The following BRCA1 variants were observed in gnomAD, a reference collection of about 807,000 sequenced individuals.
The protein encoded by BRCA1 is breast cancer type 1 susceptibility protein.
In BRCA1, 140 loss-of-function variants were observed where a neutral mutation model predicts 173.7. The ratio of observed to expected loss-of-function variants is 0.81; its 90% CI spans 0.70 to 0.93. The LOEUF (loss-of-function observed/expected upper bound fraction) is 0.93. Ranked by LOEUF, BRCA1 falls within the 40% of genes least tolerant of loss-of-function variation. The pLI is 0.00. For synonymous variants in BRCA1, 662 were observed against 756.0 expected (o/e 0.88, Z 2.04); for missense variants, 1,983 against 2,172.5 (o/e 0.91, Z 1.73).
At chr17:43,115,894 T>A in intron 2 of BRCA1, 115 bp from the exon 3 acceptor site, 1 of 1,054,216 alleles carries the variant, frequency 9.5e-7, no homozygotes, top group African/African-American at 1.6e-5. Flanking sequence ...TGAGTCAACA[T>A]AAGGCCTCAA....
chr17:43,159,583 C>T lies in BRCA1; in HGVS notation c.-20+10543G>A, dbSNP rs2056222129. 84 of 222,342 alleles carry T rather than the reference C, an allele frequency of 3.8e-4. 2 individuals carry two copies. In the South Asian group the frequency reaches 4.0e-3, roughly 11 times the overall value. 13.8% of individuals were successfully genotyped at this position (222,342 alleles called of 1,614,324 possible). ...GGCGGCCGGGCAGAGATGCTCCTCA[C>T]CTCCCAGACGGGGTCGCGGCCGGGC... On this transcript the variant is annotated intron_variant, in intron 1 of 7. Transcript: ENST00000634433.
chr17:43,079,806 ACCTTTGGACTGT>A, intron 12 of BRCA1: 3 of 763,194 alleles, frequency 3.9e-6, no homozygotes, highest in Non-Finnish European at 6.7e-6. Context: ...AAAAAAAAAG[ACCTTTGGACTGT>A]AAAAAAAAAG....
In BRCA1 at chr17:43,100,609, CAT is replaced by C. The variant is rs200083681; in HGVS notation, c.442-731_442-730del. Among the ~76,000 whole-genome samples the C allele has an allele frequency of 2.7e-4, 18 of 65,772 alleles. 3 individuals are homozygous for C. The highest frequency in any genetic ancestry group is 3.8e-4 in the Non-Finnish European group (14 of 37,324). 43.1% of individuals were successfully genotyped at this position (65,772 alleles called of 152,430 possible). ...ACATATATATATTATATATATATAA[CAT>C]ATATATAACATATATATATGTTATA... On this transcript the variant is annotated intron_variant, in intron 6 of 22. Coordinates refer to ENST00000357654, the MANE Select transcript of BRCA1 (RefSeq NM_007294.4).
chr17:43,108,507 A>T (rs1413554805), intron 3 of BRCA1, among the ~76,000 whole-genome samples: 2 of 151,618 alleles, frequency 1.3e-5, no homozygotes, highest in Non-Finnish European at 2.9e-5. Context: ...GTTTGAGACC[A>T]GCCTGGCTAA....
At position 43,158,014 on chromosome 17, in the gene BRCA1, T is replaced by A. The variant is rs866259547; in HGVS notation, c.-20+12112A>T. On this transcript the variant is annotated intron_variant, in intron 1 of 7. Transcript: ENST00000634433. Reference sequence around the variant, plus strand: ...CTGTCTCAAAAAAAAAAAAAAAAAATATTAATCTAACAGAAAATAGGAAAA... The same window carrying A: ...CTGTCTCAAAAAAAAAAAAAAAAAAAATTAATCTAACAGAAAATAGGAAAA... Among the ~76,000 whole-genome samples the A allele has an allele frequency of 1.3e-3, 198 of 147,282 alleles. No homozygotes were observed. In the Middle Eastern group the frequency reaches 0.014, roughly 11 times the overall value.
chr17:43,140,793 G>T (rs2056069924), intron 1 of BRCA1, among the ~76,000 whole-genome samples: 2 of 152,130 alleles, frequency 1.3e-5, no homozygotes, highest in Admixed American at 1.3e-4. Context: ...CCAGCGCCAG[G>T]CACAACGTCT....
chr17:43,071,829 C>T (rs1380328790), intron 14 of BRCA1, among the ~76,000 whole-genome samples: 1 of 151,238 alleles, frequency 6.6e-6, no homozygotes, highest in Non-Finnish European at 1.5e-5. Flanking sequence ...CAGTGAAACC[C>T]TGTCTCTACT....
At chr17:43,057,600 C>G (rs2051558605) in intron 18 of BRCA1, among the ~76,000 whole-genome samples, 1 of 151,884 alleles carries the variant, frequency 6.6e-6, no homozygotes, top group African/African-American at 2.4e-5. Flanking sequence ...CTTTGGGAGG[C>G]CGAGACAGGC....
intron 19 of BRCA1, among the ~76,000 whole-genome samples, chr17:43,051,979 C>T (rs1262655580): frequency 6.6e-6 from 1 of 152,152 alleles, no homozygotes; most frequent in African/African-American, 2.4e-5. Context: ...TTCCTTCCTT[C>T]TCACTACTCT....
Position 43,093,193 on chromosome 17 carries a change from G to C in BRCA1, c.2338C>G (p.Gln780Glu), listed in dbSNP as rs80356945. 1.2e-5 allele frequency: 19 copies of C among 1,613,642 alleles called. No homozygotes were observed. The highest frequency in any genetic ancestry group is 1.4e-5 in the Non-Finnish European group (17 of 1,179,964). ...SLVPGTDYGTQESISLLEVST... is the reference protein window; with the variant it reads ...SLVPGTDYGTEESISLLEVST... The stretch of plus-strand genomic sequence containing the variant: ...ACTTCCAGTAACGAGATACTTTCCT[G>C]AGTGCCATAATCAGTACCAGGTACC... The change falls in exon 10 of 23, where the codon CAG becomes GAG. Residue 780 changes from glutamine to glutamate, a missense_variant. Gln to Glu is a conservative substitution (Grantham distance 29). Coordinates refer to ENST00000357654, the MANE Select transcript of BRCA1 (RefSeq NM_007294.4).
chr17:43,116,650 T>G (rs925382187), intron 2 of BRCA1, among the ~76,000 whole-genome samples: 6 of 152,146 alleles, frequency 3.9e-5, no homozygotes, highest in East Asian at 3.8e-4. Context: ...TCCCAGGTAG[T>G]TGGAACTACA....
chr17:43,164,523 T>G (rs1366969884), intron 1 of BRCA1: 5 of 152,232 alleles, frequency 3.3e-5, no homozygotes, highest in African/African-American at 1.2e-4. Context: ...AATAACTAGA[T>G]GGTCAGCAAT....
rs183112614 is a variant in BRCA1, at chr17:43,048,494, C to T, written c.5406+627G>A. On this transcript the variant is annotated intron_variant, in intron 21 of 22. Transcript: ENST00000357654. ...TGCTGGGATTACAGGCGTGAGCCAC[C>T]GCACCTAGCTTTTCTCTCTCTCTCT... is the stretch of plus-strand genomic sequence containing the variant. 7.3e-4 allele frequency among the ~76,000 whole-genome samples: 111 copies of T among 151,370 alleles called. No homozygotes were observed. The Middle Eastern group carries it at 0.014, about 19-fold the overall frequency.
At chr17:43,105,419 T>C (rs548088133) in intron 4 of BRCA1, among the ~76,000 whole-genome samples, 2 of 152,218 alleles carry the variant, frequency 1.3e-5, no homozygotes, top group African/African-American at 4.8e-5. Flanking sequence ...ATTTATTTTG[T>C]TGGTAGTGAT....
rs80357968 is a variant in BRCA1 at position 43,092,969 on chromosome 17, A to AGC, written c.2560_2561dup (p.Gln855LeufsTer39). On this transcript the variant is annotated frameshift_variant, in exon 10 of 23. Transcript: ENST00000357654. LOFTEE classifies it high-confidence loss of function. ...CCTTGAATGTATTCTGCAAATACTG[A>AGC]GCATCAAGTTCACTTTCTTCCATTT... 3 of 1,613,442 alleles carry AGC rather than the reference A, an allele frequency of 1.9e-6. No individual in the cohort carries two copies. The highest frequency in any genetic ancestry group is 2.5e-6 in the Non-Finnish European group (3 of 1,179,556).
intron 7 of BRCA1, among the ~76,000 whole-genome samples, chr17:43,098,160 G>C (rs2054217403): frequency 6.6e-6 from 1 of 151,456 alleles, no homozygotes. Context: ...GAGTAGCTGG[G>C]ACTACAGATG....
At chr17:43,052,249 GTGAA>G (rs1567761399) in intron 19 of BRCA1, among the ~76,000 whole-genome samples, 1 of 152,136 alleles carries the variant, frequency 6.6e-6, no homozygotes, top group African/African-American at 2.4e-5. Flanking sequence ...TGTGGTTAGG[GTGAA>G]TGAAGAACTA....
chr17:43,108,294 C>T (rs923225121), intron 3 of BRCA1, among the ~76,000 whole-genome samples: 18 of 147,744 alleles, frequency 1.2e-4, no homozygotes, highest in Admixed American at 1.2e-3. Context: ...GCCAATATTG[C>T]ACCATTGCAT....
At chr17:43,123,049 T>G (rs2055652542) in intron 2 of BRCA1, among the ~76,000 whole-genome samples, 1 of 144,772 alleles carries the variant, frequency 6.9e-6, no homozygotes, top group Non-Finnish European at 1.5e-5. Flanking sequence ...AGAGCAAGAC[T>G]CCATCTCAAA....
Sources: gnomAD v4.1 joint callset for allele counts (sites outside exome capture counted in the v4.1 genomes callset) on GRCh38, gnomAD v4.1.1 for gene constraint, MANE v1.5 for transcripts, NCBI Gene and HGNC (gene_info 2026-07-23, HGNC 2026-07-21) for gene names.